Variants in CSNK1G1 observed in about 807,000 individuals in gnomAD.
CSNK1G1 encodes the protein casein kinase 1 gamma 1.
Under a neutral mutation model 59.6 loss-of-function variants are expected in CSNK1G1, and 22 were observed. The ratio of observed to expected loss-of-function variants is 0.37; its 90% CI spans 0.26 to 0.53. The LOEUF is 0.53. CSNK1G1 is among the 20% of genes least tolerant of loss of function. CSNK1G1 has a pLI of 0.89. For missense variants in CSNK1G1, 384 were observed against 519.5 expected (o/e 0.74, Z 2.54); for synonymous variants, 179 against 177.1 (o/e 1.01, Z -0.08).
chr15:64,218,288 G>T (rs1222824531), intron 4 of CSNK1G1, among the ~76,000 whole-genome samples: 1 of 151,994 alleles, frequency 6.6e-6, no homozygotes, highest in Non-Finnish European at 1.5e-5. Flanking sequence ...GATATAGACA[G>T]ATGTACATCT....
intron 1 of CSNK1G1, among the ~76,000 whole-genome samples, chr15:64,340,193 C>T (rs1001860542): frequency 6.6e-6 from 1 of 152,104 alleles, no homozygotes; most frequent in Non-Finnish European, 1.5e-5. Flanking sequence ...AGGTTGTTAC[C>T]TCTCGCATTA....
chr15:64,213,752 C>G, intron 6 of CSNK1G1, 138 bp downstream of exon 6: 1 of 650,892 alleles, frequency 1.5e-6, no homozygotes, highest in Non-Finnish European at 2.7e-6. Flanking sequence ...ACCATCTCAA[C>G]TTCTCATGTA....
chr15:64,266,667 AAC>A (rs1198983654), intron 2 of CSNK1G1, among the ~76,000 whole-genome samples: 1 of 152,200 alleles, frequency 6.6e-6, no homozygotes, highest in African/African-American at 2.4e-5. Flanking sequence ...CTGGCATAAA[AAC>A]ACACAAGTGA....
rs1250546512 is a variant in CSNK1G1, at chr15:64,216,772, A to G, written c.293-59T>C. ...GGAGACACAAAAGCCAAAATATGAG[A>G]TAACAGTATTAGCACTGAATAAAAT... is the stretch of plus-strand genomic sequence containing the variant. On this transcript the variant is annotated intron_variant, in intron 4 of 11. Coordinates refer to ENST00000303052, the MANE Select transcript of CSNK1G1 (RefSeq NM_022048.5). This position sits in a 1 kb window ranked among gnomAD's most constrained non-coding sequence, Gnocchi z 4.6. 7 of 1,454,466 alleles carry G rather than the reference A, an allele frequency of 4.8e-6. No homozygotes were observed. In the Admixed American group the frequency reaches 5.3e-5, roughly 11 times the overall value. 90.1% of individuals were successfully genotyped at this position (1,454,466 alleles called of 1,614,324 possible).
intron 1 of CSNK1G1, among the ~76,000 whole-genome samples, chr15:64,311,991 TA>T (rs1256027312): frequency 6.6e-6 from 1 of 152,116 alleles, no homozygotes; most frequent in Non-Finnish European, 1.5e-5. Context: ...AAATCATGAG[TA>T]AACTCCCATT....
chr15:64,211,700 T>C (rs1482461431), intron 6 of CSNK1G1, among the ~76,000 whole-genome samples: 1 of 152,254 alleles, frequency 6.6e-6, no homozygotes, highest in Admixed American at 6.5e-5. Context: ...ATACCCATTT[T>C]ATACATGAGA....
intron 4 of CSNK1G1, among the ~76,000 whole-genome samples, chr15:64,220,132 T>C (rs1217202408): frequency 6.6e-6 from 1 of 151,542 alleles, no homozygotes; most frequent in Non-Finnish European, 1.5e-5. Context: ...TCTTGCTCTG[T>C]TGCTCAGGCC....
intron 4 of CSNK1G1, among the ~76,000 whole-genome samples, chr15:64,239,949 A>G (rs1261501632): frequency 2.0e-5 from 3 of 152,162 alleles, no homozygotes; most frequent in Non-Finnish European, 4.4e-5. Flanking sequence ...ACAAAACAAA[A>G]TAAGGCGGGA....
At position 64,300,678 on chromosome 15, in the gene CSNK1G1, G is replaced by C; in HGVS notation, c.-179C>G. The C allele has an allele frequency of 7.8e-7, 1 of 1,276,504 alleles. No homozygotes were observed. Among genetic ancestry groups the C allele is most frequent in the Non-Finnish European group, 9.9e-7 (1 of 1,010,892 alleles). The allele number at this position is 1,276,504 out of a possible 1,614,324, so 79.1% of individuals were successfully genotyped here. A position where few individuals can be genotyped will look rare whatever the true frequency, so the allele number is the denominator to read the frequency against. On this transcript the variant is annotated 5_prime_UTR_variant, in exon 2 of 12. Transcript: ENST00000303052. ...GAAAAACCATTTATTTGTTCCCGTA[G>C]GAAATGTAGTCACTAGGTCTCAATC...
At chr15:64,330,477 C>A (rs1347406850) in intron 1 of CSNK1G1, among the ~76,000 whole-genome samples, 1 of 142,786 alleles carries the variant, frequency 7.0e-6, no homozygotes, top group Non-Finnish European at 1.5e-5. Flanking sequence ...ATTCAACAAC[C>A]CTTCATGCTA....
At chr15:64,187,014 G>A (rs2081905581) in intron 10 of CSNK1G1, among the ~76,000 whole-genome samples, 1 of 151,648 alleles carries the variant, frequency 6.6e-6, no homozygotes, top group Non-Finnish European at 1.5e-5. Context: ...GTAGAGACGG[G>A]GTTTCACCAT....
chr15:64,277,635 A>G (rs1275929818), intron 2 of CSNK1G1, among the ~76,000 whole-genome samples: 3 of 138,406 alleles, frequency 2.2e-5, no homozygotes, highest in Non-Finnish European at 4.7e-5. Flanking sequence ...ATATATTAAT[A>G]TTAATATATT....
intron 2 of CSNK1G1, among the ~76,000 whole-genome samples, chr15:64,284,441 T>A (rs1454295029): frequency 6.6e-6 from 1 of 152,170 alleles, no homozygotes; most frequent in Non-Finnish European, 1.5e-5. Flanking sequence ...AATCTTGAGA[T>A]CCATGAATGT....
chr15:64,214,007 A>G lies in CSNK1G1; in HGVS notation c.562T>C (p.Phe188Leu). Residue 188 changes from phenylalanine to leucine, a missense_variant, in exon 6 of 12, where the codon TTT becomes CTT. This residue lies in a region of CSNK1G1 where 325 missense variants were observed against 440.9 expected (regional missense o/e 0.74). Transcript: ENST00000303052. This position sits in a 1 kb window ranked among gnomAD's most constrained non-coding sequence, Gnocchi z 4.3. ...KKEHVIHIID[F>L]GLAKEYIDPE... ...TCAATGTATTCCTTGGCCAGTCCAA[A>G]GTCTATAATGTGTATAACATGCTCT... 6.2e-7 allele frequency: 1 copy of G among 1,614,140 alleles called. No homozygotes were observed. Among genetic ancestry groups the G allele is most frequent in the Non-Finnish European group, 8.5e-7 (1 of 1,180,018 alleles).
chr15:64,213,394 G>A (rs1057338660), intron 6 of CSNK1G1, among the ~76,000 whole-genome samples: 3 of 152,134 alleles, frequency 2.0e-5, no homozygotes, highest in African/African-American at 7.2e-5. Flanking sequence ...TTTATCCTGA[G>A]TAAATTGCAA....
At chr15:64,231,821 G>A (rs532825574) in intron 4 of CSNK1G1, among the ~76,000 whole-genome samples, 1 of 152,120 alleles carries the variant, frequency 6.6e-6, no homozygotes, top group East Asian at 1.9e-4. Flanking sequence ...TTTAGCTTGT[G>A]TTACAGTTAC....
intron 4 of CSNK1G1, among the ~76,000 whole-genome samples, chr15:64,222,751 G>A (rs2082407837): frequency 1.3e-5 from 2 of 151,492 alleles, no homozygotes; most frequent in African/African-American, 2.4e-5. Context: ...AGGAGTGGAA[G>A]CAAACATTGC....
intron 2 of CSNK1G1, among the ~76,000 whole-genome samples, chr15:64,298,430 G>A (rs1267357890): frequency 6.6e-6 from 1 of 152,162 alleles, no homozygotes; most frequent in South Asian, 2.1e-4. Flanking sequence ...AATATTCACA[G>A]AACTATTCGT....
At chr15:64,185,787 G>A (rs558620690) in intron 10 of CSNK1G1, among the ~76,000 whole-genome samples, 6 of 151,120 alleles carry the variant, frequency 4.0e-5, no homozygotes, top group South Asian at 2.1e-4. Flanking sequence ...GCTTGAACCC[G>A]GGAAACAGCA....
Sources: allele counts gnomAD v4.1 joint callset (sites outside exome capture counted in the v4.1 genomes callset), GRCh38; gene constraint gnomAD v4.1.1; regional missense constraint gnomAD v4.1.1; non-coding constraint Gnocchi (gnomAD v3.1); transcripts MANE v1.5; gene names NCBI Gene and HGNC (gene_info 2026-07-23, HGNC 2026-07-21).